The following IGSF21 variants were observed in gnomAD, a reference collection of about 807,000 sequenced individuals.
The protein encoded by IGSF21 is immunoglobulin superfamily member 21.
A neutral mutation model predicts 46.8 loss-of-function variants in IGSF21; 28 were observed. The ratio of observed to expected loss-of-function variants is 0.60; its 90% CI spans 0.44 to 0.82. IGSF21 has a LOEUF of 0.82. Among genes scored for constraint, IGSF21 ranks in the 40% least tolerant of loss-of-function variants. The pLI is 0.00. For synonymous variants in IGSF21, 284 were observed against 273.6 expected, an observed-to-expected ratio of 1.04 and a Z score of -0.38; for missense variants, 624 against 665.5, an observed-to-expected ratio of 0.94 and a Z score of 0.69.
At chr1:18,196,386 C>T (rs1044049190) in intron 1 of IGSF21, among the ~76,000 whole-genome samples, 3 of 152,100 alleles carry the variant, frequency 2.0e-5, no homozygotes, top group Non-Finnish European at 4.4e-5. Context: ...GGAGGAGAGG[C>T]CATGCCTTGG....
chr1:18,234,331 A>T (rs1403995058), intron 2 of IGSF21, among the ~76,000 whole-genome samples: 1 of 152,196 alleles, frequency 6.6e-6, no homozygotes, highest in Non-Finnish European at 1.5e-5. Context: ...TCCAGTGCTC[A>T]GTCTTATCAT....
intron 4 of IGSF21, among the ~76,000 whole-genome samples, chr1:18,355,517 G>A (rs2124624107): frequency 6.6e-6 from 1 of 152,230 alleles, no homozygotes; most frequent in South Asian, 2.1e-4. Context: ...GTGACATACA[G>A]CTGTGTTAGA....
intron 1 of IGSF21, among the ~76,000 whole-genome samples, chr1:18,207,548 A>T (rs1023329401): frequency 6.6e-6 from 1 of 152,246 alleles, no homozygotes; most frequent in Non-Finnish European, 1.5e-5. Context: ...CTACAATACC[A>T]GTCCTTATTG....
chr1:18,190,897 G>A (rs533206350), intron 1 of IGSF21, among the ~76,000 whole-genome samples: 29 of 152,316 alleles, frequency 1.9e-4, no homozygotes, highest in Non-Finnish European at 1.5e-5. Flanking sequence ...GAAGGCAGCA[G>A]CCAAGTCCTC....
intron 1 of IGSF21, among the ~76,000 whole-genome samples, chr1:18,202,980 A>G (rs1375013560): frequency 6.6e-6 from 1 of 152,110 alleles, no homozygotes; most frequent in African/African-American, 2.4e-5. Flanking sequence ...GAGGGACACC[A>G]TTCGTGACAC....
chr1:18,298,561 G>A (rs1379124917), intron 3 of IGSF21, among the ~76,000 whole-genome samples: 3 of 152,308 alleles, frequency 2.0e-5, no homozygotes, highest in African/African-American at 7.2e-5. Flanking sequence ...TGGACCTGGG[G>A]GCCATGTAGA....
intron 4 of IGSF21, among the ~76,000 whole-genome samples, chr1:18,355,786 G>A (rs1449715839): frequency 6.7e-6 from 1 of 148,294 alleles, no homozygotes; most frequent in Non-Finnish European, 1.5e-5. Context: ...TAATGTGTCT[G>A]TAAGTGGTTT....
chr1:18,306,988 C>T (rs993476285), intron 3 of IGSF21, among the ~76,000 whole-genome samples: 5 of 152,220 alleles, frequency 3.3e-5, no homozygotes, highest in African/African-American at 7.2e-5. Flanking sequence ...TCTGCGTATT[C>T]GCATTTGGAT....
chr1:18,141,050 C>T (rs1278379826), intron 1 of IGSF21, among the ~76,000 whole-genome samples: 1 of 152,164 alleles, frequency 6.6e-6, no homozygotes, highest in Non-Finnish European at 1.5e-5. Flanking sequence ...GTGAAGCACC[C>T]CAGTCTCCAT....
chr1:18,192,592 A>G (rs1425875472), intron 1 of IGSF21, among the ~76,000 whole-genome samples: 4 of 152,192 alleles, frequency 2.6e-5, no homozygotes, highest in African/African-American at 7.2e-5. Context: ...GGGGACCACA[A>G]GGTTCAGCAT....
At chr1:18,214,262 C>T (rs751355021) in intron 1 of IGSF21, among the ~76,000 whole-genome samples, 1 of 152,180 alleles carries the variant, frequency 6.6e-6, no homozygotes, top group African/African-American at 2.4e-5. Context: ...GAGGTCGGGG[C>T]AGGGGATGGA....
At chr1:18,265,252 A>G (rs1368061449) in intron 2 of IGSF21, among the ~76,000 whole-genome samples, 1 of 152,136 alleles carries the variant, frequency 6.6e-6, no homozygotes, top group African/African-American at 2.4e-5. Flanking sequence ...ATGTTGAGTG[A>G]TTACACAGTG....
At chr1:18,124,855 G>A (rs1415840144) in intron 1 of IGSF21, among the ~76,000 whole-genome samples, 5 of 152,208 alleles carry the variant, frequency 3.3e-5, no homozygotes, top group Admixed American at 2.0e-4. Flanking sequence ...AGGCATATGC[G>A]ATAGTTATAT....
chr1:18,165,084 G>A (rs901020608), intron 1 of IGSF21, among the ~76,000 whole-genome samples: 30 of 151,972 alleles, frequency 2.0e-4, no homozygotes, highest in African/African-American at 6.5e-4. Context: ...TTGTGGCTGC[G>A]TGGTATTTCA....
intron 1 of IGSF21, among the ~76,000 whole-genome samples, chr1:18,197,943 G>A (rs2087026106): frequency 6.6e-6 from 1 of 152,188 alleles, no homozygotes; most frequent in Non-Finnish European, 1.5e-5. Context: ...TTGGAAAGGT[G>A]TCGTAACCTC....
At chr1:18,317,806 G>A (rs76910567) in intron 3 of IGSF21, among the ~76,000 whole-genome samples, 9,331 of 152,264 alleles carry the variant, frequency 0.061, 418 homozygotes, top group Middle Eastern at 0.12. Flanking sequence ...GGCAGGCACC[G>A]TCCTAAGTGC....
intron 2 of IGSF21, among the ~76,000 whole-genome samples, chr1:18,242,839 C>T (rs1258666424): frequency 6.6e-6 from 1 of 152,230 alleles, no homozygotes; most frequent in African/African-American, 2.4e-5. Flanking sequence ...CTTGGCAGGG[C>T]CTTGGCTGCA....
At chr1:18,371,299 C>A (rs562683732) in intron 6 of IGSF21, among the ~76,000 whole-genome samples, 3 of 152,172 alleles carry the variant, frequency 2.0e-5, no homozygotes, top group Non-Finnish European at 4.4e-5. Flanking sequence ...AGGCTGGGCA[C>A]GGTGGCTTAC....
intron 4 of IGSF21, among the ~76,000 whole-genome samples, chr1:18,341,639 A>T (rs547242779): frequency 1.3e-5 from 2 of 152,336 alleles, no homozygotes; most frequent in South Asian, 4.1e-4. Context: ...TCTTTAGCAG[A>T]TGAAGAAATT....
Sources: gnomAD v4.1 joint callset for allele counts (sites outside exome capture counted in the v4.1 genomes callset) on GRCh38, gnomAD v4.1.1 for gene constraint, MANE v1.5 for transcripts, NCBI Gene and HGNC (gene_info 2026-07-23, HGNC 2026-07-21) for gene names.